The following BBX variants were observed in gnomAD, a reference collection of about 807,000 sequenced individuals.
BBX encodes the protein BBX high mobility group box domain containing.
Under a neutral mutation model 100.2 loss-of-function variants are expected in BBX, and 30 were observed. That is an observed-to-expected ratio of 0.30 (90% CI 0.22 to 0.41). The LOEUF (loss-of-function observed/expected upper bound fraction) is 0.41. Among genes scored for constraint, BBX ranks in the 10% least tolerant of loss-of-function variants. BBX has a pLI of 1.00. For synonymous variants in BBX, 376 were observed against 388.1 expected, an observed-to-expected ratio of 0.97 and a Z score of 0.37; for missense variants, 1,023 against 1,129.8, an observed-to-expected ratio of 0.91 and a Z score of 1.35.
intron 2 of BBX, among the ~76,000 whole-genome samples, chr3:107,638,237 A>G (rs892288240): frequency 6.6e-6 from 1 of 152,186 alleles, no homozygotes; most frequent in African/African-American, 2.4e-5. Context: ...TATTTTGTAC[A>G]GGCAGGGTCT....
intron 2 of BBX, among the ~76,000 whole-genome samples, chr3:107,565,916 A>G (rs572259343): frequency 1.3e-5 from 2 of 151,862 alleles, no homozygotes; most frequent in African/African-American, 2.4e-5. Flanking sequence ...GCTCACACCT[A>G]TAATCCTAGC....
intron 3 of BBX, among the ~76,000 whole-genome samples, chr3:107,651,990 A>T (rs1008409464): frequency 4.6e-5 from 7 of 152,180 alleles, no homozygotes; most frequent in Admixed American, 1.3e-4. Context: ...AGAAACTAAG[A>T]ACCCATGACT....
At chr3:107,605,949 T>C (rs1474434573) in intron 2 of BBX, among the ~76,000 whole-genome samples, 1 of 152,216 alleles carries the variant, frequency 6.6e-6, no homozygotes. Flanking sequence ...TTGCCTTAAC[T>C]GTTGAAAATG....
chr3:107,770,786 C>T (rs2066843167), intron 10 of BBX, among the ~76,000 whole-genome samples: 1 of 152,036 alleles, frequency 6.6e-6, no homozygotes, highest in African/African-American at 2.4e-5. Flanking sequence ...CAGTGTCTGC[C>T]TCTCTCCACC....
chr3:107,729,034 T>C, intron 6 of BBX, 74 bp downstream of exon 6: 1 of 1,489,902 alleles, frequency 6.7e-7, no homozygotes, highest in Non-Finnish European at 9.1e-7. Context: ...TAAACAATAC[T>C]GAGGGCGGGG....
At chr3:107,594,534 C>T (rs574052164) in intron 2 of BBX, among the ~76,000 whole-genome samples, 1 of 152,080 alleles carries the variant, frequency 6.6e-6, no homozygotes, top group African/African-American at 2.4e-5. Context: ...CCAGAGAGAT[C>T]GCATTTCTGA....
chr3:107,623,559 G>T (rs543518613), intron 2 of BBX, among the ~76,000 whole-genome samples: 115 of 152,242 alleles, frequency 7.6e-4, no homozygotes, highest in African/African-American at 2.6e-3. Context: ...GATCCAGTGG[G>T]GTTGCTTTAG....
rs1363241988 is a variant in BBX, at chr3:107,798,506, G to A, written c.2354-17G>A. On this transcript the variant is annotated splice_polypyrimidine_tract_variant and intron_variant, in intron 15 of 17. Transcript: ENST00000325805. ...TCTGTTTTTGTGCATAACTATGCAT[G>A]GTATTTCCTATTTCAGCCATATTTT... 1 of 1,609,576 alleles carries A rather than the reference G, an allele frequency of 6.2e-7. No individual in the cohort carries two copies. The highest frequency in any genetic ancestry group is 1.7e-5 in the Admixed American group (1 of 60,002).
chr3:107,629,917 C>T (rs2056440731), intron 2 of BBX, among the ~76,000 whole-genome samples: 1 of 152,066 alleles, frequency 6.6e-6, no homozygotes, highest in South Asian at 2.1e-4. Context: ...GTGGCATAAA[C>T]TGGTGAGATG....
intron 3 of BBX, among the ~76,000 whole-genome samples, chr3:107,692,650 A>G (rs1174755982): frequency 4.6e-5 from 7 of 151,798 alleles, no homozygotes; most frequent in Admixed American, 2.0e-4. Context: ...TAGTGCCACA[A>G]TAAACATACG....
rs1256234343 is a variant in BBX, at chr3:107,710,499, A to G, written c.39A>G (p.Glu13=). The part of the protein sequence containing the change: ...GSNRNKDHSA[E]GEGVGKRPKR... ...ATAGAAATAAGGATCATTCAGCAGAAGGAGAAGGGGTTGGAAAACGACCAA... is the reference window on the plus strand; with the variant it reads ...ATAGAAATAAGGATCATTCAGCAGAGGGAGAAGGGGTTGGAAAACGACCAA... Residue 13 remains glutamate (E), a synonymous_variant, in exon 4 of 18, where the codon GAA becomes GAG. Coordinates refer to ENST00000325805, the MANE Select transcript of BBX (RefSeq NM_001142568.3). 1.2e-6 allele frequency: 2 copies of G among 1,613,846 alleles called. No individual in the cohort carries two copies. Among genetic ancestry groups the G allele is most frequent in the African/African-American group, 2.7e-5 (2 of 75,034 alleles).
intron 2 of BBX, among the ~76,000 whole-genome samples, chr3:107,607,459 G>A (rs1327738846): frequency 6.6e-6 from 1 of 152,146 alleles, no homozygotes; most frequent in Non-Finnish European, 1.5e-5. Context: ...TTCATCTGTT[G>A]ATGGACACTT....
At chr3:107,708,916 TTGATA>T (rs2107288010) in intron 3 of BBX, among the ~76,000 whole-genome samples, 2 of 152,278 alleles carry the variant, frequency 1.3e-5, no homozygotes, top group South Asian at 4.1e-4. Context: ...TGGCTGTTTA[TTGATA>T]TATTTGTATA....
At chr3:107,790,732 A>G (rs2068929952) in intron 14 of BBX, among the ~76,000 whole-genome samples, 1 of 152,180 alleles carries the variant, frequency 6.6e-6, no homozygotes, top group Admixed American at 6.5e-5. Flanking sequence ...TTGCATGGCC[A>G]GATGTGAAGC....
intron 13 of BBX, among the ~76,000 whole-genome samples, chr3:107,789,511 G>T (rs2068767138): frequency 6.6e-6 from 1 of 152,156 alleles, no homozygotes; most frequent in Admixed American, 6.5e-5. Context: ...GTTGTAGTTT[G>T]TTTCTACTCA....
At chr3:107,551,061 A>G (rs1435389915) in intron 2 of BBX, among the ~76,000 whole-genome samples, 1 of 152,230 alleles carries the variant, frequency 6.6e-6, no homozygotes, top group Non-Finnish European at 1.5e-5. Flanking sequence ...GAGCTCTTAT[A>G]AAACATTATG....
chr3:107,795,216 C>G (rs997889672), intron 15 of BBX, among the ~76,000 whole-genome samples: 1 of 152,114 alleles, frequency 6.6e-6, no homozygotes, highest in Non-Finnish European at 1.5e-5. Context: ...CATCTCATGT[C>G]CCTCACCACC....
intron 2 of BBX, among the ~76,000 whole-genome samples, chr3:107,612,632 G>T (rs2054923865): frequency 6.6e-6 from 1 of 152,182 alleles, no homozygotes; most frequent in Non-Finnish European, 1.5e-5. Flanking sequence ...GTCTAGAGCT[G>T]GGGGATGGCT....
chr3:107,529,747 T>C (rs549621526), intron 2 of BBX, among the ~76,000 whole-genome samples: 1 of 152,360 alleles, frequency 6.6e-6, no homozygotes, highest in African/African-American at 2.4e-5. Flanking sequence ...TTATATTTCC[T>C]TGAAATGCCA....
Sources: allele counts gnomAD v4.1 joint callset (sites outside exome capture counted in the v4.1 genomes callset), GRCh38; gene constraint gnomAD v4.1.1; transcripts MANE v1.5; gene names NCBI Gene and HGNC (gene_info 2026-07-23, HGNC 2026-07-21).